The following GAPVD1 variants were observed in gnomAD, a reference collection of about 807,000 sequenced individuals.
The protein encoded by GAPVD1 is GTPase-activating protein and VPS9 domain-containing protein 1.
Under a neutral mutation model 155.5 loss-of-function variants are expected in GAPVD1, and 35 were observed. The observed-to-expected ratio is 0.23, with a 90% CI of 0.17 to 0.30. The LOEUF (loss-of-function observed/expected upper bound fraction) is 0.30. GAPVD1 is among the 10% of genes least tolerant of loss of function. The probability of loss-of-function intolerance (pLI) is 1.00; values close to 1 mark genes in which losing one functional copy is unlikely to be tolerated. For missense variants in GAPVD1, 1,429 were observed against 1,775.7 expected (o/e 0.80, Z 3.51); for synonymous variants, 636 against 619.7 (o/e 1.03, Z -0.39).
intron 13 of GAPVD1, 57 bp downstream of exon 13, chr9:125,330,275 A>T: frequency 8.4e-7 from 1 of 1,189,296 alleles, no homozygotes; most frequent in Non-Finnish European, 1.2e-6. Context: ...AATTAAATGC[A>T]AGGTATCCCA....
intron 12 of GAPVD1, among the ~76,000 whole-genome samples, chr9:125,327,138 C>T (rs1375441370): frequency 6.6e-6 from 1 of 151,636 alleles, no homozygotes; most frequent in African/African-American, 2.4e-5. Context: ...GACAGGATTT[C>T]GCTTTGTTGC....
At chr9:125,343,243 T>TAA (rs1848070680) in intron 19 of GAPVD1, among the ~76,000 whole-genome samples, 1 of 152,066 alleles carries the variant, frequency 6.6e-6, no homozygotes, top group Non-Finnish European at 1.5e-5. Flanking sequence ...TTAGTGTATT[T>TAA]TATGTGTGGC....
intron 15 of GAPVD1, among the ~76,000 whole-genome samples, chr9:125,335,440 G>A (rs1047579488): frequency 7.2e-5 from 11 of 152,004 alleles, no homozygotes; most frequent in Non-Finnish European, 1.6e-4. Context: ...CACTTTGGGA[G>A]GCCGAGGCAG....
chr9:125,317,625 C>CAAAAAAAAA (rs1204830778), intron 9 of GAPVD1, among the ~76,000 whole-genome samples: 2 of 55,868 alleles, frequency 3.6e-5, no homozygotes, highest in African/African-American at 6.8e-5. Flanking sequence ...AACTCTGTCT[C>CAAAAAAAAA]AAAAAAAAAA....
At chr9:125,264,006 C>G (rs1231928045) in intron 1 of GAPVD1, 27 of 1,325,348 alleles carry the variant, frequency 2.0e-5, no homozygotes. Flanking sequence ...TCTGCCAGCT[C>G]TGGGTGCTTA....
At chr9:125,346,536 A>G (rs1182763816) in intron 19 of GAPVD1, 1 of 460,180 alleles carries the variant, frequency 2.2e-6, no homozygotes, top group Non-Finnish European at 4.0e-6. Context: ...CAAACACTTT[A>G]GAAATCCGTC....
intron 13 of GAPVD1, among the ~76,000 whole-genome samples, chr9:125,331,271 G>A (rs908514620): frequency 6.6e-6 from 1 of 151,914 alleles, no homozygotes; most frequent in Non-Finnish European, 1.5e-5. Context: ...TGCAATCACG[G>A]CTCAGTGCAA....
Position 125,342,260 on chromosome 9 carries a change from A to G in GAPVD1, c.3007A>G (p.Lys1003Glu). Residue 1003 changes from lysine to glutamate, a missense_variant, in exon 19 of 28, where the codon AAA becomes GAA. Around this residue, in one of 4 missense-constraint regions of GAPVD1, gnomAD observed 699 missense variants for 826.0 expected, o/e 0.85. Coordinates refer to ENST00000297933, the MANE Select transcript of GAPVD1 (RefSeq NM_001282680.3). ...AAAGAAAGAAAAACAAGAAAAAGACAAAGATGATCTGGGGCCTGACAGATT... is the reference window on the plus strand; with the variant it reads ...AAAGAAAGAAAAACAAGAAAAAGACGAAGATGATCTGGGGCCTGACAGATT... ...FRKKEKQEKD[K>E]DDLGPDRFST... The G allele has an allele frequency of 6.2e-7, 1 of 1,602,278 alleles. No individual in the cohort carries two copies. The highest frequency in any genetic ancestry group is 8.6e-7 in the Non-Finnish European group (1 of 1,169,244).
chr9:125,264,093 G>A (rs1833432449), intron 1 of GAPVD1: 1 of 786,244 alleles, frequency 1.3e-6, no homozygotes, highest in African/African-American at 1.7e-5. Flanking sequence ...TGGTTCTTTA[G>A]AAGAACATTT....
chr9:125,286,901 T>C (rs796456101), intron 2 of GAPVD1, among the ~76,000 whole-genome samples: 87 of 152,046 alleles, frequency 5.7e-4, no homozygotes, highest in African/African-American at 2.1e-3. Flanking sequence ...CTGGCCAACG[T>C]GGCAAAACCC....
At chr9:125,312,894 C>T (rs926711837) in intron 9 of GAPVD1, among the ~76,000 whole-genome samples, 4 of 152,064 alleles carry the variant, frequency 2.6e-5, no homozygotes, top group African/African-American at 9.7e-5. Context: ...GATCTCAGCT[C>T]ACTGCAACCT....
chr9:125,336,196 T>G (rs1398271824), intron 15 of GAPVD1, among the ~76,000 whole-genome samples: 1 of 150,426 alleles, frequency 6.6e-6, no homozygotes, highest in Non-Finnish European at 1.5e-5. Context: ...GCTGTTTTAG[T>G]CCATCTTTTA....
At position 125,362,855 on chromosome 9, in the gene GAPVD1, C is replaced by T. The variant is rs1851132356; in HGVS notation, c.*109C>T. 3 of 863,264 alleles carry T rather than the reference C, an allele frequency of 3.5e-6. No homozygotes were observed. Among genetic ancestry groups the T allele is most frequent in the Non-Finnish European group, 5.2e-6 (3 of 575,500 alleles). 53.5% of individuals were successfully genotyped at this position (863,264 alleles called of 1,614,324 possible). A position where few individuals can be genotyped will look rare whatever the true frequency, so the allele number is the denominator to read the frequency against. ...GAAGATTGTTTTGTATGATACTGCA[C>T]AGCATCAGGCATTTTAAAGCAGATC... On this transcript the variant is annotated 3_prime_UTR_variant, in exon 28 of 28. Coordinates refer to ENST00000297933, the MANE Select transcript of GAPVD1 (RefSeq NM_001282680.3).
At chr9:125,312,686 G>C in intron 9 of GAPVD1, 74 bp downstream of exon 9, 2 of 1,095,424 alleles carry the variant, frequency 1.8e-6, no homozygotes, top group Non-Finnish European at 2.6e-6. Flanking sequence ...AAACACCAGA[G>C]GTTGGGTGGC....
At chr9:125,330,995 T>TG (rs201737193) in intron 13 of GAPVD1, among the ~76,000 whole-genome samples, 12 of 152,058 alleles carry the variant, frequency 7.9e-5, no homozygotes, top group African/African-American at 1.7e-4. Flanking sequence ...GATTTTTTTT[T>TG]TGTGCAGGTT....
intron 25 of GAPVD1, 74 bp downstream of exon 25, chr9:125,355,931 C>A: frequency 1.2e-6 from 1 of 821,156 alleles, no homozygotes; most frequent in South Asian, 1.4e-5. Context: ...TTTAGGCAAG[C>A]TATACGTGTA....
intron 2 of GAPVD1, among the ~76,000 whole-genome samples, chr9:125,293,895 T>TATATATATAG (rs1564312584): frequency 5.2e-5 from 6 of 115,114 alleles, no homozygotes; most frequent in South Asian, 5.2e-4. Flanking sequence ...TATATATATA[T>TATATATATAG]ATATATATAA....
intron 2 of GAPVD1, among the ~76,000 whole-genome samples, chr9:125,283,193 G>A (rs1055367340): frequency 5.3e-5 from 8 of 151,624 alleles, no homozygotes; most frequent in Non-Finnish European, 1.5e-5. Flanking sequence ...CTGAGTAGCT[G>A]GGATTACAGG....
chr9:125,282,937 TAAC>T (rs1837017829), intron 2 of GAPVD1, among the ~76,000 whole-genome samples: 1 of 152,164 alleles, frequency 6.6e-6, no homozygotes, highest in Non-Finnish European at 1.5e-5. Flanking sequence ...AATGACTTTC[TAAC>T]AACATTATTT....
Sources: allele counts gnomAD v4.1 joint callset (sites outside exome capture counted in the v4.1 genomes callset), GRCh38; gene constraint gnomAD v4.1.1; regional missense constraint gnomAD v4.1.1; transcripts MANE v1.5; gene names NCBI Gene and HGNC (gene_info 2026-07-23, HGNC 2026-07-21).